SRSF4: variants seen among roughly 807,000 people sequenced by gnomAD.
The protein encoded by SRSF4 is serine/arginine-rich splicing factor 4.
Under a neutral mutation model 48.8 loss-of-function variants are expected in SRSF4, and 12 were observed. The observed-to-expected ratio is 0.25, with a 90% CI of 0.16 to 0.40. The LOEUF is 0.40. Among genes scored for constraint, SRSF4 ranks in the 10% least tolerant of loss-of-function variants. SRSF4 has a pLI of 1.00. For synonymous variants in SRSF4, 248 were observed against 232.5 expected, an observed-to-expected ratio of 1.07 and a Z score of -0.61; for missense variants, 466 against 667.1, an observed-to-expected ratio of 0.70 and a Z score of 3.32.
chr1:29,173,084 A>G (rs1435369146), intron 1 of SRSF4: 1 of 151,590 alleles, frequency 6.6e-6, no homozygotes, highest in East Asian at 1.9e-4. Context: ...TAATATCTAA[A>G]TGATCTACAA....
chr1:29,149,315 C>A, intron 5 of SRSF4, 89 bp from the exon 6 acceptor site: 4 of 1,429,180 alleles, frequency 2.8e-6, no homozygotes, highest in South Asian at 2.6e-5. Context: ...TGTGGAGTTA[C>A]ACCCCCCAAT....
At chr1:29,174,601 T>C (rs1180413120) in intron 1 of SRSF4, among the ~76,000 whole-genome samples, 1 of 149,546 alleles carries the variant, frequency 6.7e-6, no homozygotes, top group Non-Finnish European at 1.5e-5. Flanking sequence ...TAACTTATAG[T>C]ATGATTCCAA....
At position 29,176,162 on chromosome 1, in the gene SRSF4, G is replaced by A. The variant is rs536242894; in HGVS notation, c.107+5484C>T. Reference sequence around the variant, plus strand: ...AGCTACTTGGGAGGCTGAGGCAGGAGAATTGCTTGAACCCAAAAGGCGGAA... The same window carrying A: ...AGCTACTTGGGAGGCTGAGGCAGGAAAATTGCTTGAACCCAAAAGGCGGAA... On this transcript the variant is annotated intron_variant, in intron 1 of 5. Coordinates refer to ENST00000373795, the MANE Select transcript of SRSF4 (RefSeq NM_005626.5). Among the ~76,000 whole-genome samples, 28 of 152,274 alleles carry A rather than the reference G, an allele frequency of 1.8e-4. No homozygotes were observed. The South Asian group carries it at 5.6e-3, about 30-fold the overall frequency.
intron 1 of SRSF4, among the ~76,000 whole-genome samples, chr1:29,160,933 T>C (rs1672585751): frequency 6.6e-6 from 1 of 152,252 alleles, no homozygotes; most frequent in Non-Finnish European, 1.5e-5. Flanking sequence ...TAGACCTACA[T>C]TCAGGCACTG....
At chr1:29,160,263 C>T (rs901814355) in intron 2 of SRSF4, 112 bp downstream of exon 2, 4 of 1,256,454 alleles carry the variant, frequency 3.2e-6, no homozygotes, top group Non-Finnish European at 4.2e-6. Flanking sequence ...ACATAATTTA[C>T]AAAATAGCTT....
At position 29,148,103 on chromosome 1, in the gene SRSF4, A is replaced by G. The variant is rs1215601202; in HGVS notation, c.*307T>C. ...ACCTATGTGGTCATTCCAGCCTTAG[A>G]GCCGTCCAGGTTACTGAGCTCCCTG... On this transcript the variant is annotated 3_prime_UTR_variant, in exon 6 of 6. Transcript: ENST00000373795. 4 of 544,220 alleles carry G rather than the reference A, an allele frequency of 7.3e-6. No individual in the cohort carries two copies. The highest frequency in any genetic ancestry group is 1.4e-5 in the Non-Finnish European group (4 of 285,138). The allele number at this position is 544,220 out of a possible 1,614,324, so 33.7% of individuals were successfully genotyped here.
rs1340132708 is a variant in SRSF4, at chr1:29,147,826, A to T, written c.*584T>A. 3 of 180,276 alleles carry T rather than the reference A, an allele frequency of 1.7e-5. No homozygotes were observed. Among genetic ancestry groups the T allele is most frequent in the Non-Finnish European group, 3.6e-5 (3 of 83,464 alleles). 11.2% of individuals were successfully genotyped at this position (180,276 alleles called of 1,614,324 possible). On this transcript the variant is annotated 3_prime_UTR_variant, in exon 6 of 6. Coordinates refer to ENST00000373795, the MANE Select transcript of SRSF4 (RefSeq NM_005626.5). Reference sequence around the variant, plus strand: ...TTGCAAGACGGGGAAAAATAAAATTAAAAAAAATTCTTTTCTTTTCTTTTT... The same window carrying T: ...TTGCAAGACGGGGAAAAATAAAATTTAAAAAAATTCTTTTCTTTTCTTTTT...
At chr1:29,177,550 G>A (rs535897796) in intron 1 of SRSF4, among the ~76,000 whole-genome samples, 25 of 152,168 alleles carry the variant, frequency 1.6e-4, no homozygotes, top group East Asian at 3.8e-4. Flanking sequence ...TCAAAGTGCC[G>A]GGGTTACAGG....
Position 29,148,932 on chromosome 1 carries a change from C to T in SRSF4, c.963G>A (p.Arg321=), listed in dbSNP as rs770897558. 5.6e-6 allele frequency: 9 copies of T among 1,613,196 alleles called. No homozygotes were observed. The South Asian group carries it at 7.7e-5, about 14-fold the overall frequency. ...TCTGGCGGAGGCTCTTCTCCTGGCT[C>T]CTGCCCCTGCTCACACTCCCTCGCT... The part of the protein sequence containing the change: ...EEKRGSVSRG[R]SQEKSLRQSR... The change falls in exon 6 of 6, where the codon AGG becomes AGA. Residue 321 remains arginine (R), a synonymous_variant. Transcript: ENST00000373795.
At chr1:29,173,790 G>C (rs1002428582) in intron 1 of SRSF4, among the ~76,000 whole-genome samples, 5 of 151,772 alleles carry the variant, frequency 3.3e-5, no homozygotes, top group Non-Finnish European at 5.9e-5. Flanking sequence ...AGGCTAAATA[G>C]ACAAGCCTTA....
In SRSF4 at chr1:29,177,303, C is replaced by T. The variant is rs555722221; in HGVS notation, c.107+4343G>A. Among the ~76,000 whole-genome samples the T allele has an allele frequency of 2.9e-5, 4 of 136,268 alleles. No homozygotes were observed. The East Asian group carries it at 6.0e-4, about 20-fold the overall frequency. The allele number at this position is 136,268 out of a possible 152,430, so 89.4% of individuals were successfully genotyped here. A position where few individuals can be genotyped will look rare whatever the true frequency, so the allele number is the denominator to read the frequency against. On this transcript the variant is annotated intron_variant, in intron 1 of 5. Coordinates refer to ENST00000373795, the MANE Select transcript of SRSF4 (RefSeq NM_005626.5). ...TTTTTGTTTTTTTTTTTTTTTGAGA[C>T]GAAGTTTTGCTCTTGTTGCCCAGGC...
chr1:29,159,728 G>A lies in SRSF4; in HGVS notation c.251-242C>T, dbSNP rs200418520. 7 of 297,426 alleles carry A rather than the reference G, an allele frequency of 2.4e-5. No homozygotes were observed. In the East Asian group the frequency reaches 4.3e-4, roughly 18 times the overall value. The allele number at this position is 297,426 out of a possible 1,614,324, so 18.4% of individuals were successfully genotyped here. On this transcript the variant is annotated intron_variant, in intron 2 of 5. Coordinates refer to ENST00000373795, the MANE Select transcript of SRSF4 (RefSeq NM_005626.5). ...TAATATTTGCATTTAAGATTAACATGCATAAATTTAAAACTATTAACAATT... is the reference window on the plus strand; with the variant it reads ...TAATATTTGCATTTAAGATTAACATACATAAATTTAAAACTATTAACAATT...
chr1:29,176,701 C>T (rs1447303867), intron 1 of SRSF4, among the ~76,000 whole-genome samples: 1 of 152,080 alleles, frequency 6.6e-6, no homozygotes, highest in Non-Finnish European at 1.5e-5. Context: ...TACACAACAA[C>T]GACCTGCCTC....
chr1:29,153,542 C>A (rs554445984), intron 4 of SRSF4, among the ~76,000 whole-genome samples: 54 of 152,030 alleles, frequency 3.6e-4, no homozygotes, highest in African/African-American at 1.3e-3. Context: ...TGCCATCAAC[C>A]AAGGTAGTAG....
At chr1:29,159,795 CT>C (rs1302049251) in intron 2 of SRSF4, 3 of 217,370 alleles carry the variant, frequency 1.4e-5, no homozygotes, top group Non-Finnish European at 2.8e-5. Context: ...AAATCAGTTA[CT>C]GGTGTTACTC....
intron 1 of SRSF4, among the ~76,000 whole-genome samples, chr1:29,174,545 A>G (rs1304986761): frequency 6.6e-6 from 1 of 152,170 alleles, no homozygotes; most frequent in African/African-American, 2.4e-5. Flanking sequence ...CTTAATGACA[A>G]AGGAAAAGGA....
rs148509532 is a variant in SRSF4 at position 29,159,568 on chromosome 1, A to G, written c.251-82T>C. 9.1e-5 allele frequency: 74 copies of G among 812,856 alleles called. No individual in the cohort carries two copies. The Admixed American group carries it at 1.8e-3, about 20-fold the overall frequency. The allele number at this position is 812,856 out of a possible 1,614,324, so 50.4% of individuals were successfully genotyped here. A position where few individuals can be genotyped will look rare whatever the true frequency, so the allele number is the denominator to read the frequency against. On this transcript the variant is annotated intron_variant, in intron 2 of 5. Transcript: ENST00000373795. ...ACACAGCACACACCCCCCCTTAAAT[A>G]TATTATTTACCCCCACCCCAAACAA... is the stretch of plus-strand genomic sequence containing the variant.
chr1:29,158,890 G>A (rs906819941), intron 3 of SRSF4, among the ~76,000 whole-genome samples: 1 of 152,142 alleles, frequency 6.6e-6, no homozygotes, highest in South Asian at 2.1e-4. Context: ...GGGAGGCTGA[G>A]GCGGGTGGAT....
chr1:29,163,194 C>A (rs1434966709), intron 1 of SRSF4, among the ~76,000 whole-genome samples: 1 of 152,206 alleles, frequency 6.6e-6, no homozygotes, highest in African/African-American at 2.4e-5. Context: ...AAACCTCCCC[C>A]AGTATTTACT....
Sources: gnomAD v4.1 joint callset for allele counts (sites outside exome capture counted in the v4.1 genomes callset) on GRCh38, gnomAD v4.1.1 for gene constraint, MANE v1.5 for transcripts, NCBI Gene and HGNC (gene_info 2026-07-23, HGNC 2026-07-21) for gene names.